The following MYRIP variants were observed in gnomAD, a reference collection of about 807,000 sequenced individuals.
The protein encoded by MYRIP is myosin VIIA and Rab interacting protein.
MYRIP carries 49 observed loss-of-function variants against 98.0 expected under a neutral mutation model. The observed-to-expected ratio is 0.50, with a 90% CI of 0.40 to 0.63. The LOEUF (loss-of-function observed/expected upper bound fraction) is 0.63, where lower values mean the gene tolerates loss of function less well. Among genes scored for constraint, MYRIP ranks in the 30% least tolerant of loss-of-function variants. MYRIP has a pLI of 0.00. For synonymous variants in MYRIP, 404 were observed against 409.5 expected (o/e 0.99, Z 0.16); for missense variants, 1,004 against 1,058.2 (o/e 0.95, Z 0.71).
chr3:40,046,551 G>C (rs1355613822), intron 3 of MYRIP, among the ~76,000 whole-genome samples: 1 of 147,008 alleles, frequency 6.8e-6, no homozygotes, highest in African/African-American at 2.5e-5. Context: ...GGGTTTCATG[G>C]AAAAGGAGGG....
chr3:40,126,266 CG>C (rs1949524458), intron 3 of MYRIP, among the ~76,000 whole-genome samples: 1 of 152,136 alleles, frequency 6.6e-6, no homozygotes, highest in African/African-American at 2.4e-5. Context: ...GGGGTGGGGC[CG>C]AACAAGCTGG....
intron 1 of MYRIP, among the ~76,000 whole-genome samples, chr3:39,893,924 A>G (rs1019269676): frequency 1.4e-4 from 21 of 152,306 alleles, no homozygotes; most frequent in Admixed American, 4.6e-4. Flanking sequence ...CAATTTTGCT[A>G]TTGTAAATAA....
intron 7 of MYRIP, among the ~76,000 whole-genome samples, chr3:40,168,595 AG>A (rs1950547654): frequency 6.6e-6 from 1 of 152,262 alleles, no homozygotes; most frequent in Admixed American, 6.5e-5. Context: ...ACACATCTGC[AG>A]TAGCTGCACT....
chr3:40,005,242 G>A (rs1049747794), intron 2 of MYRIP, among the ~76,000 whole-genome samples: 13 of 152,158 alleles, frequency 8.5e-5, no homozygotes, highest in African/African-American at 2.9e-4. Context: ...CACTTTGTGT[G>A]TCTTGTGTTC....
chr3:39,868,951 CT>C (rs1170861624), intron 1 of MYRIP, among the ~76,000 whole-genome samples: 2 of 152,112 alleles, frequency 1.3e-5, no homozygotes, highest in African/African-American at 2.4e-5. Context: ...TGATGTGTTA[CT>C]TTTTTTCTTC....
At chr3:39,815,339 T>C (rs1054249736) in intron 1 of MYRIP, among the ~76,000 whole-genome samples, 2 of 152,220 alleles carry the variant, frequency 1.3e-5, no homozygotes, top group African/African-American at 2.4e-5. Context: ...TTCAAGGTTA[T>C]CTAAGTTGTT....
At chr3:39,814,605 C>T (rs1234308147) in intron 1 of MYRIP, among the ~76,000 whole-genome samples, 1 of 152,134 alleles carries the variant, frequency 6.6e-6, no homozygotes, top group Non-Finnish European at 1.5e-5. Context: ...ATGCTAATTT[C>T]CGTTATATCC....
intron 3 of MYRIP, among the ~76,000 whole-genome samples, chr3:40,130,637 C>T (rs1370066495): frequency 1.3e-5 from 2 of 151,984 alleles, no homozygotes; most frequent in Non-Finnish European, 2.9e-5. Flanking sequence ...GCCTCGGCCT[C>T]CCAAAGTGCT....
chr3:40,019,033 C>A (rs1364181487), intron 2 of MYRIP, among the ~76,000 whole-genome samples: 2 of 152,158 alleles, frequency 1.3e-5, no homozygotes, highest in Non-Finnish European at 2.9e-5. Context: ...GCTTTTGTAA[C>A]CATCATTGTT....
At chr3:40,000,562 G>A (rs1946496178) in intron 2 of MYRIP, among the ~76,000 whole-genome samples, 1 of 152,166 alleles carries the variant, frequency 6.6e-6, no homozygotes, top group Non-Finnish European at 1.5e-5. Context: ...GCTAGCCCTG[G>A]CCTTGTCATG....
At chr3:39,814,885 G>T (rs1308543074) in intron 1 of MYRIP, among the ~76,000 whole-genome samples, 1 of 152,102 alleles carries the variant, frequency 6.6e-6, no homozygotes, top group African/African-American at 2.4e-5. Flanking sequence ...TTCCTTTCAT[G>T]GACATGGCCT....
chr3:39,836,874 TG>T (rs1941643917), intron 1 of MYRIP, among the ~76,000 whole-genome samples: 1 of 152,196 alleles, frequency 6.6e-6, no homozygotes, highest in Non-Finnish European at 1.5e-5. Context: ...TAAATACTAT[TG>T]GGGGCAATTT....
At chr3:39,994,244 G>A (rs1476919862) in intron 2 of MYRIP, among the ~76,000 whole-genome samples, 3 of 152,348 alleles carry the variant, frequency 2.0e-5, no homozygotes, top group South Asian at 2.1e-4. Context: ...GCGAGGCATC[G>A]CCTCATCCGG....
intron 13 of MYRIP, among the ~76,000 whole-genome samples, chr3:40,245,967 G>A (rs770347509): frequency 2.1e-4 from 25 of 120,294 alleles, no homozygotes; most frequent in Non-Finnish European, 3.2e-4. Flanking sequence ...TCACCATGTT[G>A]GCCAGACTGG....
intron 2 of MYRIP, among the ~76,000 whole-genome samples, chr3:39,947,158 G>A (rs895023399): frequency 4.6e-5 from 7 of 152,042 alleles, no homozygotes; most frequent in African/African-American, 1.7e-4. Context: ...CAGTGCAACA[G>A]GTCAAACAGA....
At chr3:39,820,263 G>A (rs549114906) in intron 1 of MYRIP, among the ~76,000 whole-genome samples, 1 of 152,294 alleles carries the variant, frequency 6.6e-6, no homozygotes, top group South Asian at 2.1e-4. Context: ...TCTTTTTGGT[G>A]TGAAATGTAA....
At chr3:39,965,941 C>G (rs1945429447) in intron 2 of MYRIP, among the ~76,000 whole-genome samples, 1 of 152,018 alleles carries the variant, frequency 6.6e-6, no homozygotes, top group Admixed American at 6.6e-5. Context: ...CTAGTTGTTC[C>G]TTTTGTGGTT....
chr3:40,157,212 T>C (rs1950264093), intron 4 of MYRIP, among the ~76,000 whole-genome samples: 1 of 149,216 alleles, frequency 6.7e-6, no homozygotes, highest in African/African-American at 2.5e-5. Flanking sequence ...GAAGCGTTGT[T>C]GAATTTTGTC....
At chr3:39,991,149 AAAAT>A (rs1471667609) in intron 2 of MYRIP, among the ~76,000 whole-genome samples, 5 of 152,218 alleles carry the variant, frequency 3.3e-5, no homozygotes, top group African/African-American at 4.8e-5. Context: ...AAAGTATAAT[AAAAT>A]AAATAAATAA....
Sources: allele counts gnomAD v4.1 joint callset (sites outside exome capture counted in the v4.1 genomes callset), GRCh38; gene constraint gnomAD v4.1.1; transcripts MANE v1.5; gene names NCBI Gene and HGNC (gene_info 2026-07-23, HGNC 2026-07-21).